The following FBXO16 variants were observed in gnomAD, a reference collection of about 807,000 sequenced individuals.
FBXO16 encodes the protein F-box protein 16.
A neutral mutation model predicts 41.0 loss-of-function variants in FBXO16; 31 were observed. The ratio of observed to expected loss-of-function variants is 0.76; its 90% CI spans 0.57 to 1.02. FBXO16 has a LOEUF of 1.02. FBXO16 is among the 50% of genes least tolerant of loss of function. The pLI is 0.00. For missense variants in FBXO16, 361 were observed against 346.2 expected, an observed-to-expected ratio of 1.04 and a Z score of -0.34; for synonymous variants, 133 against 117.8, an observed-to-expected ratio of 1.13 and a Z score of -0.84.
chr8:28,464,024 C>A (rs1803191416), intron 3 of FBXO16, among the ~76,000 whole-genome samples: 1 of 152,188 alleles, frequency 6.6e-6, no homozygotes, highest in Non-Finnish European at 1.5e-5. Context: ...TAAGTGCGCA[C>A]ACAGAAGTGC....
chr8:28,458,381 C>A (rs1375280810), intron 4 of FBXO16, among the ~76,000 whole-genome samples: 1 of 152,096 alleles, frequency 6.6e-6, no homozygotes. Context: ...CAGGCAGCAA[C>A]AGAAATCACA....
At chr8:28,436,117 G>A (rs1330218398) in intron 7 of FBXO16, among the ~76,000 whole-genome samples, 2 of 152,104 alleles carry the variant, frequency 1.3e-5, no homozygotes, top group Admixed American at 6.5e-5. Flanking sequence ...TCCTCCCTCG[G>A]GGGCCTTCTT....
chr8:28,454,751 AGGATCATTAATTCTATATAGTAC>A (rs1803012505), intron 5 of FBXO16, among the ~76,000 whole-genome samples: 1 of 40,994 alleles, frequency 2.4e-5, no homozygotes, highest in African/African-American at 8.1e-5. Context: ...AAAAAAAAAA[AGGATCATTAATTCTATATAGTAC>A]AAAATGCTTA....
At chr8:28,429,054 T>C (rs1802568948) in intron 8 of FBXO16, among the ~76,000 whole-genome samples, 1 of 152,196 alleles carries the variant, frequency 6.6e-6, no homozygotes, top group Non-Finnish European at 1.5e-5. Context: ...TGAGTGACAG[T>C]CCAAGTTCAC....
chr8:28,464,163 A>G (rs182143519), intron 3 of FBXO16, among the ~76,000 whole-genome samples: 91 of 152,302 alleles, frequency 6.0e-4, no homozygotes, highest in Non-Finnish European at 1.1e-3. Flanking sequence ...CCTCCCCCCA[A>G]ATAGTTTCTG....
chr8:28,472,012 A>ATATGAATG (rs111498319), intron 3 of FBXO16, among the ~76,000 whole-genome samples: 6,203 of 152,166 alleles, frequency 0.041, 424 homozygotes, highest in African/African-American at 0.14. Context: ...AGAAGGGTAT[A>ATATGAATG]TATGAATGCT....
At chr8:28,431,662 T>C (rs1802607665) in intron 7 of FBXO16, among the ~76,000 whole-genome samples, 1 of 152,222 alleles carries the variant, frequency 6.6e-6, no homozygotes, top group Non-Finnish European at 1.5e-5. Context: ...AACTGAGGAC[T>C]AGTTTCACAT....
chr8:28,450,804 C>T (rs1033169855), intron 6 of FBXO16, among the ~76,000 whole-genome samples: 2 of 152,090 alleles, frequency 1.3e-5, no homozygotes, highest in Admixed American at 6.6e-5. Flanking sequence ...TAGCCAGGCA[C>T]GGTGGCTCAT....
intron 6 of FBXO16, chr8:28,448,892 A>C (rs1802907886): frequency 6.6e-6 from 1 of 152,238 alleles, no homozygotes; most frequent in South Asian, 2.1e-4. Context: ...AGAGTTGAGC[A>C]GCTGTGACAG....
chr8:28,436,504 G>A (rs1802689432), intron 7 of FBXO16, among the ~76,000 whole-genome samples: 1 of 152,180 alleles, frequency 6.6e-6, no homozygotes, highest in South Asian at 2.1e-4. Flanking sequence ...AGCTGCAGAG[G>A]AAGGCTAAGC....
At chr8:28,469,739 A>G (rs933069682) in intron 3 of FBXO16, among the ~76,000 whole-genome samples, 2 of 151,740 alleles carry the variant, frequency 1.3e-5, no homozygotes, top group African/African-American at 4.8e-5. Context: ...TGTCTCTACT[A>G]AAAATACAAA....
intron 6 of FBXO16, among the ~76,000 whole-genome samples, chr8:28,450,003 G>A (rs990030357): frequency 1.3e-5 from 2 of 150,468 alleles, no homozygotes. Context: ...AAAGAAGGGC[G>A]ATTTGCATAA....
At chr8:28,458,276 T>A (rs1335323398) in intron 4 of FBXO16, among the ~76,000 whole-genome samples, 5 of 152,128 alleles carry the variant, frequency 3.3e-5, no homozygotes, top group Non-Finnish European at 5.9e-5. Context: ...GAAGATGAGA[T>A]GTTGAGGAAA....
At chr8:28,438,915 T>C (rs1464111124) in intron 7 of FBXO16, among the ~76,000 whole-genome samples, 1 of 151,584 alleles carries the variant, frequency 6.6e-6, no homozygotes, top group Non-Finnish European at 1.5e-5. Flanking sequence ...GACTAGCCAA[T>C]ATGGTGAAAC....
chr8:28,437,926 G>A (rs754554022), intron 7 of FBXO16, among the ~76,000 whole-genome samples: 14 of 152,198 alleles, frequency 9.2e-5, no homozygotes, highest in African/African-American at 7.2e-5. Flanking sequence ...GAGTCCACAC[G>A]TAGGCACAAG....
intron 7 of FBXO16, among the ~76,000 whole-genome samples, chr8:28,433,055 C>T (rs762488003): frequency 1.1e-4 from 15 of 136,784 alleles, no homozygotes; most frequent in Non-Finnish European, 1.8e-4. Context: ...AGTGAGACTT[C>T]GTCCAAAAAA....
At chr8:28,446,215 G>A (rs989565616) in intron 7 of FBXO16, among the ~76,000 whole-genome samples, 5 of 107,060 alleles carry the variant, frequency 4.7e-5, no homozygotes, top group Admixed American at 1.5e-4. Flanking sequence ...AGAGTCTCAC[G>A]CTGTTGCCCA....
chr8:28,461,467 C>T (rs1390861475), intron 4 of FBXO16, among the ~76,000 whole-genome samples: 1 of 152,100 alleles, frequency 6.6e-6, no homozygotes, highest in African/African-American at 2.4e-5. Flanking sequence ...TGAGGCTAAG[C>T]ATCTTACATA....
chr8:28,428,478 G>T lies in FBXO16; in HGVS notation c.*249C>A, dbSNP rs540482555. 3.8e-5 allele frequency: 50 copies of T among 1,327,632 alleles called. No individual in the cohort carries two copies. Among genetic ancestry groups the T allele is most frequent in the Admixed American group, 1.3e-4 (5 of 37,592 alleles). 82.2% of individuals were successfully genotyped at this position (1,327,632 alleles called of 1,614,324 possible). A position where few individuals can be genotyped will look rare whatever the true frequency, so the allele number is the denominator to read the frequency against. On this transcript the variant is annotated 3_prime_UTR_variant, in exon 9 of 9. Transcript: ENST00000380254. ...ACCACAATAAGTACTTAAGCTGAAA[G>T]AGTTTCTAATGGGAGCCAAGTAAAT... is the stretch of plus-strand genomic sequence containing the variant.
Sources: allele counts gnomAD v4.1 joint callset (sites outside exome capture counted in the v4.1 genomes callset), GRCh38; gene constraint gnomAD v4.1.1; transcripts MANE v1.5; gene names NCBI Gene and HGNC (gene_info 2026-07-23, HGNC 2026-07-21).